The following NCAM2 variants were observed in gnomAD, a reference collection of about 807,000 sequenced individuals.
NCAM2 encodes the protein N-CAM-2.
A neutral mutation model predicts 98.1 loss-of-function variants in NCAM2; 30 were observed. The observed-to-expected ratio is 0.31, with a 90% CI of 0.23 to 0.41. The LOEUF (loss-of-function observed/expected upper bound fraction) is 0.41. Ranked by LOEUF, NCAM2 falls within the 10% of genes least tolerant of loss-of-function variation. NCAM2 has a pLI of 1.00. For synonymous variants in NCAM2, 368 were observed against 342.4 expected (o/e 1.07, Z -0.83); for missense variants, 867 against 1,005.8 (o/e 0.86, Z 1.87).
At chr21:21,372,527 C>T (rs1167503468) in intron 8 of NCAM2, among the ~76,000 whole-genome samples, 1 of 151,664 alleles carries the variant, frequency 6.6e-6, no homozygotes. Flanking sequence ...GGTGTTGAAT[C>T]AGAGCCAAGA....
intron 1 of NCAM2, among the ~76,000 whole-genome samples, chr21:21,131,520 G>T (rs192928870): frequency 2.0e-5 from 3 of 152,160 alleles, no homozygotes; most frequent in African/African-American, 7.2e-5. Context: ...TGATCCACCC[G>T]CCTTGGCCTC....
intron 8 of NCAM2, among the ~76,000 whole-genome samples, chr21:21,349,332 C>T (rs1319221086): frequency 6.6e-6 from 1 of 152,026 alleles, no homozygotes; most frequent in Non-Finnish European, 1.5e-5. Flanking sequence ...AAAAGGTGCT[C>T]AATGTCATGG....
intron 3 of NCAM2, 82 bp from the exon 4 acceptor site, chr21:21,286,187 T>C (rs2073092085): frequency 1.4e-6 from 2 of 1,391,444 alleles, no homozygotes; most frequent in Admixed American, 4.3e-5. Flanking sequence ...ATCAATAGAG[T>C]CTGGATTATG....
chr21:21,345,362 A>T (rs1036368643), intron 8 of NCAM2, among the ~76,000 whole-genome samples: 2 of 152,136 alleles, frequency 1.3e-5, no homozygotes, highest in African/African-American at 4.8e-5. Flanking sequence ...TGTTGAGGAA[A>T]CTAAAAAAAA....
intron 5 of NCAM2, among the ~76,000 whole-genome samples, chr21:21,322,865 G>A (rs747807119): frequency 4.6e-5 from 7 of 152,150 alleles, no homozygotes; most frequent in Admixed American, 6.6e-5. Flanking sequence ...CTAAGCAACC[G>A]GTCAGGAGAA....
At chr21:21,092,347 T>C (rs564019386) in intron 1 of NCAM2, among the ~76,000 whole-genome samples, 46 of 152,114 alleles carry the variant, frequency 3.0e-4, no homozygotes, top group African/African-American at 1.1e-3. Context: ...TTGGGTGGAG[T>C]ATAAATTTAA....
chr21:21,117,329 G>A (rs1014530259), intron 1 of NCAM2, among the ~76,000 whole-genome samples: 3 of 150,006 alleles, frequency 2.0e-5, no homozygotes, highest in African/African-American at 7.3e-5. Context: ...ATTCATTGTG[G>A]AAAACTTTAC....
chr21:21,387,134 C>T (rs1320713863), intron 9 of NCAM2, among the ~76,000 whole-genome samples: 1 of 151,406 alleles, frequency 6.6e-6, no homozygotes, highest in Non-Finnish European at 1.5e-5. Context: ...CTGGTAAGGG[C>T]CCTCTTTTTG....
At chr21:21,042,693 T>G (rs556777839) in intron 1 of NCAM2, among the ~76,000 whole-genome samples, 13 of 152,270 alleles carry the variant, frequency 8.5e-5, no homozygotes, top group Admixed American at 7.2e-4. Context: ...TCCCAGAGCA[T>G]CTGTTATACA....
intron 1 of NCAM2, among the ~76,000 whole-genome samples, chr21:21,008,137 C>T (rs2064144180): frequency 6.7e-6 from 1 of 149,502 alleles, no homozygotes; most frequent in Admixed American, 6.8e-5. Flanking sequence ...GTCCCATATA[C>T]TTTGATCAAT....
At chr21:21,179,443 C>T (rs907198506) in intron 1 of NCAM2, among the ~76,000 whole-genome samples, 4 of 151,908 alleles carry the variant, frequency 2.6e-5, no homozygotes, top group Admixed American at 6.6e-5. Flanking sequence ...TACTGTTTTG[C>T]CTTAAGAAAT....
chr21:21,040,224 T>C (rs1386448569), intron 1 of NCAM2, among the ~76,000 whole-genome samples: 1 of 152,162 alleles, frequency 6.6e-6, no homozygotes, highest in East Asian at 1.9e-4. Context: ...TTGAAGATAC[T>C]GATGCCTTTT....
intron 1 of NCAM2, among the ~76,000 whole-genome samples, chr21:21,139,470 C>G (rs943234379): frequency 6.6e-6 from 1 of 152,198 alleles, no homozygotes; most frequent in African/African-American, 2.4e-5. Context: ...TTAAGCACGA[C>G]TTTTCACAAA....
At chr21:21,475,956 G>A (rs1993668) in intron 14 of NCAM2, among the ~76,000 whole-genome samples, 70,545 of 151,884 alleles carry the variant, frequency 0.46, 17,430 homozygotes, top group Non-Finnish European at 0.55. Context: ...AAATTACAAT[G>A]TCTTCTTGCC....
chr21:21,477,304 A>G lies in NCAM2; in HGVS notation c.1910A>G (p.Asp637Gly). Residue 637 changes from aspartate to glycine, a missense_variant, in exon 15 of 18, where the codon GAC becomes GGC. This residue lies in a region of NCAM2 where 234 missense variants were observed against 333.8 expected (regional missense o/e 0.70). Transcript: ENST00000400546. Reference sequence around the variant, plus strand: ...TTGCTTTCACAGAAAGATAAGGAAGACCAATGGCTAGAGAAAAAAGTGCAA... The same window carrying G: ...TTGCTTTCACAGAAAGATAAGGAAGGCCAATGGCTAGAGAAAAAAGTGCAA... Reference protein sequence around the residue: ...IVKYRSKDKEDQWLEKKVQGN... With the variant: ...IVKYRSKDKEGQWLEKKVQGN... 2 of 1,595,650 alleles carry G rather than the reference A, an allele frequency of 1.3e-6. No homozygotes were observed. The highest frequency in any genetic ancestry group is 1.1e-5 in the South Asian group (1 of 87,852).
At chr21:21,104,625 T>C (rs1426483258) in intron 1 of NCAM2, among the ~76,000 whole-genome samples, 1 of 152,036 alleles carries the variant, frequency 6.6e-6, no homozygotes, top group Non-Finnish European at 1.5e-5. Context: ...TAATGCAAAG[T>C]TCCTAAGACA....
chr21:21,467,351 CTA>C (rs1400101558), intron 13 of NCAM2, among the ~76,000 whole-genome samples: 3 of 147,476 alleles, frequency 2.0e-5, no homozygotes, highest in African/African-American at 7.5e-5. Context: ...TTATAAAAAT[CTA>C]TGCGTAACAC....
At chr21:21,353,905 A>G (rs1005463874) in intron 8 of NCAM2, among the ~76,000 whole-genome samples, 4 of 152,272 alleles carry the variant, frequency 2.6e-5, no homozygotes, top group African/African-American at 9.6e-5. Flanking sequence ...CTATTTTTCA[A>G]ACTATGTTTT....
At chr21:21,259,936 A>G (rs1157695751) in intron 1 of NCAM2, among the ~76,000 whole-genome samples, 6 of 82,088 alleles carry the variant, frequency 7.3e-5, no homozygotes, top group Non-Finnish European at 1.6e-4. Flanking sequence ...ACACACACAC[A>G]CACACACACA....
Sources: gnomAD v4.1 joint callset for allele counts (sites outside exome capture counted in the v4.1 genomes callset) on GRCh38, gnomAD v4.1.1 for gene constraint, gnomAD v4.1.1 regional missense constraint, MANE v1.5 for transcripts, NCBI Gene and HGNC (gene_info 2026-07-23, HGNC 2026-07-21) for gene names.